Variants in DLG2 observed in about 807,000 individuals in gnomAD.
The protein encoded by DLG2 is discs large MAGUK scaffold protein 2.
In DLG2, 45 loss-of-function variants were observed where a neutral mutation model predicts 132.5. That is an observed-to-expected ratio of 0.34 (90% CI 0.27 to 0.44). The LOEUF is 0.44. Ranked by LOEUF, DLG2 falls within the 20% of genes least tolerant of loss-of-function variation. The pLI is 1.00. For synonymous variants in DLG2, 424 were observed against 419.6 expected (o/e 1.01, Z -0.13); for missense variants, 1,045 against 1,196.9 (o/e 0.87, Z 1.87).
chr11:84,799,492 C>T (rs2075103097), intron 6 of DLG2, among the ~76,000 whole-genome samples: 1 of 152,134 alleles, frequency 6.6e-6, no homozygotes, highest in South Asian at 2.1e-4. Flanking sequence ...TGATTGCTCA[C>T]CTGATTTTTT....
intron 7 of DLG2, among the ~76,000 whole-genome samples, chr11:84,416,222 C>T (rs1193284602): frequency 6.6e-6 from 1 of 152,102 alleles, no homozygotes; most frequent in Admixed American, 6.6e-5. Flanking sequence ...CACAATATTA[C>T]TTCTGAGTAA....
At chr11:83,704,730 G>A (rs934309255) in intron 18 of DLG2, among the ~76,000 whole-genome samples, 1 of 152,054 alleles carries the variant, frequency 6.6e-6, no homozygotes, top group African/African-American at 2.4e-5. Flanking sequence ...GGGAGGCTGA[G>A]GCAGGAGAAT....
At chr11:84,592,657 G>A (rs1160483845) in intron 6 of DLG2, among the ~76,000 whole-genome samples, 1 of 151,866 alleles carries the variant, frequency 6.6e-6, no homozygotes, top group Non-Finnish European at 1.5e-5. Context: ...AGTGGGCAAA[G>A]TATATGAACA....
chr11:83,807,340 T>C (rs977294251), intron 17 of DLG2, among the ~76,000 whole-genome samples: 2 of 152,190 alleles, frequency 1.3e-5, no homozygotes, highest in Non-Finnish European at 2.9e-5. Flanking sequence ...TTATATCTTT[T>C]CTAATTACTA....
At chr11:83,880,539 T>C (rs1462298045) in intron 15 of DLG2, among the ~76,000 whole-genome samples, 1 of 151,994 alleles carries the variant, frequency 6.6e-6, no homozygotes, top group Non-Finnish European at 1.5e-5. Context: ...TTTCCCAGGG[T>C]ATAGGAAGAG....
At chr11:83,612,538 G>A (rs1042876316) in intron 19 of DLG2, among the ~76,000 whole-genome samples, 11 of 152,088 alleles carry the variant, frequency 7.2e-5, no homozygotes, top group Admixed American at 3.3e-4. Context: ...CTCACCCCAG[G>A]AGTATGAGAA....
intron 4 of DLG2, among the ~76,000 whole-genome samples, chr11:85,237,171 A>G (rs138730353): frequency 1.5e-4 from 23 of 152,226 alleles, no homozygotes; most frequent in African/African-American, 4.8e-4. Context: ...TCTAAAACAG[A>G]TATTGCTTCC....
chr11:84,737,265 A>G (rs2063960383), intron 6 of DLG2, among the ~76,000 whole-genome samples: 1 of 151,970 alleles, frequency 6.6e-6, no homozygotes, highest in Non-Finnish European at 1.5e-5. Flanking sequence ...ATTTATTTAG[A>G]ACTTTTTCCA....
At chr11:84,974,868 A>C (rs2054639768) in intron 6 of DLG2, among the ~76,000 whole-genome samples, 1 of 152,256 alleles carries the variant, frequency 6.6e-6, no homozygotes, top group Admixed American at 6.5e-5. Flanking sequence ...TTTGGTTAAA[A>C]TAAACAAGGG....
At chr11:85,397,363 G>C (rs1296448564) in intron 3 of DLG2, among the ~76,000 whole-genome samples, 2 of 152,100 alleles carry the variant, frequency 1.3e-5, no homozygotes, top group Non-Finnish European at 2.9e-5. Context: ...TGAAGAAACT[G>C]CATCAATTAA....
chr11:83,886,366 G>A (rs1388624806), intron 15 of DLG2, among the ~76,000 whole-genome samples: 2 of 152,276 alleles, frequency 1.3e-5, no homozygotes, highest in Admixed American at 6.5e-5. Flanking sequence ...ATTACATAAT[G>A]GTAAAGGGAT....
chr11:83,676,748 C>G (rs2077768086), intron 18 of DLG2, among the ~76,000 whole-genome samples: 1 of 152,038 alleles, frequency 6.6e-6, no homozygotes, highest in African/African-American at 2.4e-5. Flanking sequence ...AAGCTTGGCA[C>G]TACTTACAAT....
At chr11:85,367,611 G>A (rs542828026) in intron 3 of DLG2, among the ~76,000 whole-genome samples, 128 of 152,144 alleles carry the variant, frequency 8.4e-4, no homozygotes, top group African/African-American at 2.9e-3. Flanking sequence ...CTAATTATGT[G>A]CATTTGAGCA....
chr11:85,456,598 G>A (rs930576307), intron 3 of DLG2, among the ~76,000 whole-genome samples: 6 of 152,088 alleles, frequency 3.9e-5, no homozygotes, highest in African/African-American at 1.4e-4. Flanking sequence ...TTCGACGTGG[G>A]CATTTAGTGC....
chr11:83,854,775 CAT>C (rs1373233985), intron 16 of DLG2, among the ~76,000 whole-genome samples: 2 of 151,834 alleles, frequency 1.3e-5, no homozygotes, highest in Non-Finnish European at 2.9e-5. Flanking sequence ...TAAAATAGAA[CAT>C]ATGTTTTTAA....
chr11:83,696,082 T>C (rs2081887170), intron 18 of DLG2, among the ~76,000 whole-genome samples: 1 of 152,116 alleles, frequency 6.6e-6, no homozygotes, highest in Non-Finnish European at 1.5e-5. Flanking sequence ...ATTTGCACTT[T>C]AGAAAATCAC....
chr11:83,470,757 C>A (rs1322388483), intron 24 of DLG2, among the ~76,000 whole-genome samples: 2 of 152,134 alleles, frequency 1.3e-5, no homozygotes, highest in South Asian at 4.1e-4. Context: ...TCCTGCTATT[C>A]TTAAGTATCT....
chr11:85,557,727 T>C (rs940224848), intron 3 of DLG2, among the ~76,000 whole-genome samples: 1 of 151,854 alleles, frequency 6.6e-6, no homozygotes, highest in African/African-American at 2.4e-5. Context: ...ATTCAATAAA[T>C]AGTGCTGGCA....
intron 4 of DLG2, among the ~76,000 whole-genome samples, chr11:85,260,921 G>C (rs143044366): frequency 9.3e-4 from 141 of 152,276 alleles, no homozygotes; most frequent in African/African-American, 3.2e-3. Flanking sequence ...CCATGGTAGG[G>C]GTGGGGAACT....
Sources: gnomAD v4.1 joint callset for allele counts (sites outside exome capture counted in the v4.1 genomes callset) on GRCh38, gnomAD v4.1.1 for gene constraint, MANE v1.5 for transcripts, NCBI Gene and HGNC (gene_info 2026-07-23, HGNC 2026-07-21) for gene names.